IQGAP2: variants seen among roughly 807,000 people sequenced by gnomAD.
IQGAP2 encodes the protein ras GTPase-activating-like protein IQGAP2.
In IQGAP2, 173 loss-of-function variants were observed where a neutral mutation model predicts 201.3. That is an observed-to-expected ratio of 0.86 (90% CI 0.76 to 0.98). The LOEUF (loss-of-function observed/expected upper bound fraction) is 0.98, where lower values mean the gene tolerates loss of function less well. Ranked by LOEUF, IQGAP2 falls within the 50% of genes least tolerant of loss-of-function variation. The probability of loss-of-function intolerance (pLI) is 0.00; values close to 1 mark genes in which losing one functional copy is unlikely to be tolerated. For missense variants in IQGAP2, 1,687 were observed against 1,864.8 expected (o/e 0.90, Z 1.76); for synonymous variants, 675 against 673.9 (o/e 1.00, Z -0.03).
intron 2 of IQGAP2, among the ~76,000 whole-genome samples, chr5:76,496,663 G>C (rs1012246502): frequency 3.3e-5 from 5 of 152,174 alleles, no homozygotes; most frequent in African/African-American, 1.2e-4. Flanking sequence ...GTTTCAAACA[G>C]TAGAGGAAAA....
chr5:76,446,152 G>A (rs1753379336), intron 1 of IQGAP2, among the ~76,000 whole-genome samples: 1 of 152,160 alleles, frequency 6.6e-6, no homozygotes, highest in East Asian at 1.9e-4. Context: ...ATGAACTTAG[G>A]TACAAATATC....
chr5:76,480,550 T>C (rs576704731), intron 2 of IQGAP2, among the ~76,000 whole-genome samples: 11 of 152,240 alleles, frequency 7.2e-5, no homozygotes, highest in African/African-American at 1.2e-4. Context: ...TTCTGTGTCA[T>C]GTATAACAGA....
rs187334476 is a variant in IQGAP2 at position 76,681,601 on chromosome 5, G to T, written c.3661-1514G>T. ...AAAATGCAACCCTTGCACCCCGTTG[G>T]TGGGAATGTAAAATGGTGCAGCTGC... On this transcript the variant is annotated intron_variant, in intron 28 of 35. Coordinates refer to ENST00000274364, the MANE Select transcript of IQGAP2 (RefSeq NM_006633.5). Among the ~76,000 whole-genome samples the T allele has an allele frequency of 2.7e-3, 418 of 152,028 alleles. 1 individual carries two copies. The highest frequency in any genetic ancestry group is 9.6e-3 in the African/African-American group (398 of 41,508).
intron 4 of IQGAP2, among the ~76,000 whole-genome samples, chr5:76,570,898 T>C (rs878947438): frequency 2.0e-5 from 3 of 152,224 alleles, no homozygotes; most frequent in African/African-American, 7.2e-5. Context: ...GAACAAGCTA[T>C]AGCTGGTAGA....
At chr5:76,623,502 C>G in intron 13 of IQGAP2, 3 of 452,504 alleles carry the variant, frequency 6.6e-6, no homozygotes, top group South Asian at 7.1e-5. Flanking sequence ...TTACCCACCC[C>G]CAACAATCTA....
In IQGAP2 at chr5:76,684,418, C is replaced by T. The variant is rs572601120; in HGVS notation, c.3905+501C>T. On this transcript the variant is annotated intron_variant, in intron 30 of 35. Coordinates refer to ENST00000274364, the MANE Select transcript of IQGAP2 (RefSeq NM_006633.5). ...CTTTTATTTGTACCCTGCTTCCTGC[C>T]GCTAAAGATTTCAAGTGAAGCATTC... 8.5e-5 allele frequency among the ~76,000 whole-genome samples: 13 copies of T among 152,258 alleles called. No individual in the cohort carries two copies. In the South Asian group the frequency reaches 1.7e-3, roughly 19 times the overall value.
chr5:76,570,738 G>C, intron 4 of IQGAP2, 81 bp downstream of exon 4: 1 of 924,236 alleles, frequency 1.1e-6, no homozygotes, highest in Non-Finnish European at 1.8e-6. Flanking sequence ...AATGACTTTG[G>C]AGACTGGGTT....
At chr5:76,589,125 A>AAC (rs10691469) in intron 6 of IQGAP2, 152 bp downstream of exon 6, 353,678 of 380,986 alleles carry the variant, frequency 0.93, 165,094 homozygotes, top group Middle Eastern at 0.96. Flanking sequence ...CATCCTGACT[A>AAC]ACAGTGAAAC....
intron 1 of IQGAP2, chr5:76,404,350 C>T (rs1750681381): frequency 2.0e-6 from 1 of 500,176 alleles, no homozygotes; most frequent in South Asian, 8.7e-5. Context: ...TGGATGGAGC[C>T]AGATTAACAC....
chr5:76,562,337 C>T (rs1744435053), intron 2 of IQGAP2, 59 bp from the exon 3 acceptor site: 1 of 1,290,834 alleles, frequency 7.7e-7, no homozygotes, highest in African/African-American at 1.5e-5. Context: ...TGCATGCCTT[C>T]ATTTGCAGAA....
At chr5:76,482,445 T>C (rs1245330755) in intron 2 of IQGAP2, among the ~76,000 whole-genome samples, 4 of 152,198 alleles carry the variant, frequency 2.6e-5, no homozygotes, top group African/African-American at 4.8e-5. Context: ...CCACCTATTT[T>C]AGAGTCATTG....
chr5:76,533,292 G>A (rs963463974), intron 2 of IQGAP2, among the ~76,000 whole-genome samples: 17 of 152,128 alleles, frequency 1.1e-4, no homozygotes, highest in African/African-American at 4.1e-4. Context: ...TTGGATGATA[G>A]AGGGATGGTG....
chr5:76,575,714 G>A lies in IQGAP2; in HGVS notation c.403G>A (p.Asp135Asn), dbSNP rs1693681134. 2 of 1,587,726 alleles carry A rather than the reference G, an allele frequency of 1.3e-6. No individual in the cohort carries two copies. Among genetic ancestry groups the A allele is most frequent in the Admixed American group, 1.7e-5 (1 of 58,248 alleles). The change falls in exon 5 of 36, where the codon GAT (aspartate) becomes AAT (asparagine). Residue 135 changes from aspartate to asparagine, a missense_variant. Asp to Asn is a conservative substitution (Grantham distance 23, BLOSUM62 1). Coordinates refer to ENST00000274364, the MANE Select transcript of IQGAP2 (RefSeq NM_006633.5). ...LPKIFYPETT[D>N]VYDRKNIPRM... ...CCAGATATTTTATCCAGAAACAACA[G>A]ATGTCTATGATCGGAAAAACATACC...
chr5:76,554,557 AAAG>A (rs1270323194), intron 2 of IQGAP2, among the ~76,000 whole-genome samples: 4 of 152,262 alleles, frequency 2.6e-5, no homozygotes, highest in African/African-American at 9.6e-5. Flanking sequence ...ATGCATATAA[AAAG>A]AAGCTGAATA....
chr5:76,657,061 A>G (rs2150442317), intron 20 of IQGAP2, among the ~76,000 whole-genome samples: 1 of 152,338 alleles, frequency 6.6e-6, no homozygotes, highest in Non-Finnish European at 1.5e-5. Context: ...AAATACCTGT[A>G]CCACAAAGTC....
intron 35 of IQGAP2, among the ~76,000 whole-genome samples, chr5:76,704,215 A>G (rs1747678813): frequency 6.6e-6 from 1 of 152,250 alleles, no homozygotes; most frequent in Non-Finnish European, 1.5e-5. Flanking sequence ...CAGGAAGAGA[A>G]AAGAAGGTGC....
chr5:76,503,144 T>G (rs1356628860), intron 2 of IQGAP2, among the ~76,000 whole-genome samples: 1 of 151,396 alleles, frequency 6.6e-6, no homozygotes, highest in African/African-American at 2.4e-5. Flanking sequence ...AATTTTGCTT[T>G]TAAATTTCCT....
intron 13 of IQGAP2, chr5:76,618,092 G>A (rs987038135): frequency 1.2e-6 from 2 of 1,614,180 alleles, no homozygotes; most frequent in Non-Finnish European, 1.7e-6. Flanking sequence ...AGGTGTGCTT[G>A]GGCAGGCCCC....
At chr5:76,404,573 G>A (rs138673347) in intron 1 of IQGAP2, 12,404 of 810,818 alleles carry the variant, frequency 0.015, 124 homozygotes, top group Middle Eastern at 0.031. Context: ...TCAGCAGGGT[G>A]TTTTGTTTGT....
Sources: allele counts gnomAD v4.1 joint callset (sites outside exome capture counted in the v4.1 genomes callset), GRCh38; gene constraint gnomAD v4.1.1; transcripts MANE v1.5; gene names NCBI Gene and HGNC (gene_info 2026-07-23, HGNC 2026-07-21).